The following MAN2A1 variants were observed in gnomAD, a reference collection of about 807,000 sequenced individuals.
The protein encoded by MAN2A1 is mannosidase alpha class 2A member 1, also known as alpha-mannosidase 2.
MAN2A1 carries 76 observed loss-of-function variants against 142.6 expected under a neutral mutation model. The ratio of observed to expected loss-of-function variants is 0.53; its 90% confidence interval spans 0.44 to 0.65. The LOEUF (loss-of-function observed/expected upper bound fraction) is 0.65, where lower values mean the gene tolerates loss of function less well. Among genes scored for constraint, MAN2A1 ranks in the 30% least tolerant of loss-of-function variants. MAN2A1 has a pLI of 0.00. For synonymous variants in MAN2A1, 559 were observed against 473.2 expected, an observed-to-expected ratio of 1.18 and a Z score of -2.35; for missense variants, 1,311 against 1,365.1, an observed-to-expected ratio of 0.96 and a Z score of 0.62.
rs774757616 is a variant in MAN2A1 at position 109,757,216 on chromosome 5, C to A, written c.835+1760C>A. On this transcript the variant is annotated intron_variant, in intron 5 of 21. Coordinates refer to ENST00000261483, the MANE Select transcript of MAN2A1 (RefSeq NM_002372.4). Reference sequence around the variant, plus strand: ...CAAACCTGAAGGTGGTCTTGGGGACCCTCTCTACACAATGCCCTTTTTCTT... The same window carrying A: ...CAAACCTGAAGGTGGTCTTGGGGACACTCTCTACACAATGCCCTTTTTCTT... 3.1e-4 allele frequency among the ~76,000 whole-genome samples: 47 copies of A among 152,048 alleles called. 1 individual carries two copies. Among genetic ancestry groups the A allele is most frequent in the Non-Finnish European group, 1.9e-4 (13 of 67,980 alleles).
At chr5:109,859,578 T>G (rs983166555) in intron 20 of MAN2A1, among the ~76,000 whole-genome samples, 17 of 152,184 alleles carry the variant, frequency 1.1e-4, no homozygotes. Flanking sequence ...TATGAAGATC[T>G]TGAGATACTA....
At chr5:109,727,385 A>G (rs1257471896) in intron 3 of MAN2A1, among the ~76,000 whole-genome samples, 1 of 152,064 alleles carries the variant, frequency 6.6e-6, no homozygotes, top group East Asian at 1.9e-4. Context: ...TGTTATAAGT[A>G]CATCAATAGT....
chr5:109,787,390 A>G (rs546522575), intron 10 of MAN2A1, among the ~76,000 whole-genome samples: 106 of 152,150 alleles, frequency 7.0e-4, no homozygotes, highest in African/African-American at 2.4e-3. Context: ...CGTATTCCGT[A>G]TTAATAGGAT....
chr5:109,781,006 T>C (rs938025372), intron 8 of MAN2A1, among the ~76,000 whole-genome samples: 6 of 152,214 alleles, frequency 3.9e-5, no homozygotes, highest in Non-Finnish European at 5.9e-5. Context: ...TATTGTAGAC[T>C]TCTGGAACAC....
chr5:109,691,422 T>C (rs1488769382), intron 1 of MAN2A1, among the ~76,000 whole-genome samples: 1 of 152,168 alleles, frequency 6.6e-6, no homozygotes, highest in Admixed American at 6.5e-5. Flanking sequence ...TATTGTGTAG[T>C]GTGTAGTGTG....
rs972199361 is a variant in MAN2A1, at chr5:109,842,474, T to A, written c.2700+13T>A. 25 of 1,517,014 alleles carry A rather than the reference T, an allele frequency of 1.6e-5. No individual in the cohort carries two copies. Among genetic ancestry groups the A allele is most frequent in the Non-Finnish European group, 2.2e-5 (24 of 1,112,618 alleles). The allele number at this position is 1,517,014 out of a possible 1,614,324, so 94.0% of individuals were successfully genotyped here. A position where few individuals can be genotyped will look rare whatever the true frequency, so the allele number is the denominator to read the frequency against. ...AAATGGGTACCAGGTAATTTTTCCT[T>A]TAAAATGTTTAAGTAATGGTTGTAT... On this transcript the variant is annotated intron_variant, in intron 17 of 21. Transcript: ENST00000261483.
At chr5:109,697,059 AATAG>A in intron 1 of MAN2A1, among the ~76,000 whole-genome samples, 1 of 152,244 alleles carries the variant, frequency 6.6e-6, no homozygotes, top group Non-Finnish European at 1.5e-5. Flanking sequence ...GGTCATTGTA[AATAG>A]ATCATCTTTT....
chr5:109,764,814 T>C (rs3797689), intron 5 of MAN2A1, among the ~76,000 whole-genome samples: 46,815 of 152,048 alleles, frequency 0.31, 7,646 homozygotes, highest in East Asian at 0.64. Flanking sequence ...ATTCTGTCCT[T>C]GTTATTTGGA....
chr5:109,817,540 G>A (rs1754499385), intron 13 of MAN2A1, 102 bp downstream of exon 13: 1 of 1,128,030 alleles, frequency 8.9e-7, no homozygotes. Flanking sequence ...TCATGTTGGT[G>A]TATGTGAGGT....
intron 5 of MAN2A1, among the ~76,000 whole-genome samples, chr5:109,759,815 C>G (rs1403621127): frequency 6.6e-6 from 1 of 152,016 alleles, no homozygotes; most frequent in Non-Finnish European, 1.5e-5. Flanking sequence ...AGTGATATTT[C>G]ACTGTTATTT....
intron 19 of MAN2A1, chr5:109,854,193 A>G (rs907490775): frequency 2.0e-5 from 3 of 152,232 alleles, no homozygotes; most frequent in Non-Finnish European, 4.4e-5. Flanking sequence ...TTTGGTTCAA[A>G]TGTAACTGGT....
rs980554985 is a variant in MAN2A1, at chr5:109,869,389, T to G, written c.*2391T>G. ...ATCCTTGTTTTCTACAAATACTGAT[T>G]AAAATAAAATGCTGTAAAATGTGAT... On this transcript the variant is annotated 3_prime_UTR_variant, in exon 22 of 22. Coordinates refer to ENST00000261483, the MANE Select transcript of MAN2A1 (RefSeq NM_002372.4). 1.3e-5 allele frequency: 2 copies of G among 152,244 alleles called. No individual in the cohort carries two copies. Among genetic ancestry groups the G allele is most frequent in the African/African-American group, 4.8e-5 (2 of 41,458 alleles). The allele number at this position is 152,244 out of a possible 1,614,324, so 9.4% of individuals were successfully genotyped here.
At chr5:109,717,760 A>G (rs1751495298) in intron 3 of MAN2A1, among the ~76,000 whole-genome samples, 1 of 152,184 alleles carries the variant, frequency 6.6e-6, no homozygotes, top group Non-Finnish European at 1.5e-5. Context: ...TGATTTGTGT[A>G]TCTGTAAAAT....
chr5:109,717,932 G>A (rs369106718), intron 3 of MAN2A1, among the ~76,000 whole-genome samples: 39 of 152,196 alleles, frequency 2.6e-4, no homozygotes, highest in Non-Finnish European at 4.6e-4. Flanking sequence ...TGAAAAACAC[G>A]TATCTTTGAT....
At chr5:109,860,041 C>T (rs1004475726) in intron 20 of MAN2A1, among the ~76,000 whole-genome samples, 2 of 151,994 alleles carry the variant, frequency 1.3e-5, no homozygotes, top group Non-Finnish European at 2.9e-5. Context: ...AATATCAGCA[C>T]CACTTACTGA....
chr5:109,815,563 C>A (rs1005586851), intron 12 of MAN2A1, among the ~76,000 whole-genome samples: 2 of 152,200 alleles, frequency 1.3e-5, no homozygotes, highest in African/African-American at 4.8e-5. Context: ...CCTTTGGTAT[C>A]TCAGAATGTT....
rs74753740 is a variant in MAN2A1, at chr5:109,853,770, T to A, written c.2977-1370T>A. The A allele has an allele frequency of 3.6e-3, 555 of 152,326 alleles. 5 individuals are homozygous for A. Among genetic ancestry groups the A allele is most frequent in the African/African-American group, 0.013 (537 of 41,578 alleles). The allele number at this position is 152,326 out of a possible 1,614,324, so 9.4% of individuals were successfully genotyped here. ...CTTGTTGAAATTGTTCCCTCTCTAT[T>A]CATGTTATTCTACGAGCTGCATTAA... On this transcript the variant is annotated intron_variant, in intron 19 of 21. Transcript: ENST00000261483.
At position 109,855,210 on chromosome 5, in the gene MAN2A1, C is replaced by G; in HGVS notation, c.3047C>G (p.Pro1016Arg). The G allele has an allele frequency of 6.2e-7, 1 of 1,607,166 alleles. No homozygotes were observed. Among genetic ancestry groups the G allele is most frequent in the Non-Finnish European group, 8.5e-7 (1 of 1,177,766 alleles). ...SHITSSLMNH[P>R]VIPMANKFSS... ...ATAACTTCTTCTCTCATGAATCATCCAGTCATTCCAATGGCAAATAAGTTC... is the reference window on the plus strand; with the variant it reads ...ATAACTTCTTCTCTCATGAATCATCGAGTCATTCCAATGGCAAATAAGTTC... The change falls in exon 20 of 22, where the codon CCA becomes CGA. Residue 1016 changes from proline to arginine, a missense_variant. Physicochemically the swap from Pro to Arg is moderately radical, Grantham distance 103. Around this residue, in one of 3 missense-constraint regions of MAN2A1, gnomAD observed 890 missense variants for 920.5 expected, o/e 0.97. Transcript: ENST00000261483.
intron 3 of MAN2A1, among the ~76,000 whole-genome samples, chr5:109,724,759 G>T (rs916701109): frequency 6.6e-6 from 1 of 152,118 alleles, no homozygotes; most frequent in Admixed American, 6.5e-5. Context: ...GTGGAGCGGG[G>T]TGCCTTCTTA....
Sources: allele counts gnomAD v4.1 joint callset (sites outside exome capture counted in the v4.1 genomes callset), GRCh38; gene constraint gnomAD v4.1.1; regional missense constraint gnomAD v4.1.1; transcripts MANE v1.5; gene names NCBI Gene and HGNC (gene_info 2026-07-23, HGNC 2026-07-21).